Variants in ZFHX3 observed in about 807,000 individuals in gnomAD.
ZFHX3 encodes zinc finger homeobox protein 3.
Under a neutral mutation model 279.1 loss-of-function variants are expected in ZFHX3, and 42 were observed. That is an observed-to-expected ratio of 0.15 (90% CI 0.12 to 0.19). The LOEUF (loss-of-function observed/expected upper bound fraction) is 0.19. Among genes scored for constraint, ZFHX3 ranks in the 10% least tolerant of loss-of-function variants. The probability of loss-of-function intolerance (pLI) is 1.00; values close to 1 mark genes in which losing one functional copy is unlikely to be tolerated. For synonymous variants in ZFHX3, 2,293 were observed against 1,957.8 expected, an observed-to-expected ratio of 1.17 and a Z score of -4.52; for missense variants, 4,981 against 4,754.0, an observed-to-expected ratio of 1.05 and a Z score of -1.40.
intron 4 of ZFHX3, among the ~76,000 whole-genome samples, chr16:72,862,744 G>C (rs931301318): frequency 6.6e-6 from 1 of 152,158 alleles, no homozygotes; most frequent in African/African-American, 2.4e-5. Context: ...CAACAATGCT[G>C]TGGGGCTATA....
intron 4 of ZFHX3, among the ~76,000 whole-genome samples, chr16:73,313,958 T>G (rs1469442127): frequency 6.6e-6 from 1 of 152,052 alleles, no homozygotes; most frequent in Non-Finnish European, 1.5e-5. Context: ...AATTAGCTGG[T>G]CATGGTGGCA....
chr16:73,776,759 C>T (rs1265181974), intron 1 of ZFHX3, among the ~76,000 whole-genome samples: 4 of 152,172 alleles, frequency 2.6e-5, no homozygotes, highest in Non-Finnish European at 5.9e-5. Context: ...AAATCTCAGC[C>T]ATGATTGCAA....
At chr16:73,045,656 A>ATTG (rs1965267919) in intron 1 of ZFHX3, among the ~76,000 whole-genome samples, 1 of 136,242 alleles carries the variant, frequency 7.3e-6, no homozygotes, top group South Asian at 2.4e-4. Flanking sequence ...TATTATTATT[A>ATTG]TTATTATTAT....
chr16:73,817,511 C>T (rs185412826), intron 1 of ZFHX3, among the ~76,000 whole-genome samples: 2 of 152,260 alleles, frequency 1.3e-5, no homozygotes, highest in East Asian at 3.9e-4. Flanking sequence ...ACCCTAACGG[C>T]GAGTCTTAAA....
chr16:73,391,246 C>T (rs538369079), intron 3 of ZFHX3, among the ~76,000 whole-genome samples: 68 of 152,186 alleles, frequency 4.5e-4, no homozygotes, highest in African/African-American at 1.4e-3. Flanking sequence ...GAGGCCAAGG[C>T]ATGCAGATGA....
chr16:72,933,809 C>CTTTTTT lies in ZFHX3; in HGVS notation c.3216+16659_3216+16660insAAAAAA, dbSNP rs1408711216. ...TTATTATGAAATGTTTAGCTCACAA[C>CTTTTTT]TTTCTTTTTTTTTTTTTTTTTTTTT... On this transcript the variant is annotated intron_variant, in intron 3 of 9. Transcript: ENST00000268489. Among the ~76,000 whole-genome samples, 44 of 114,598 alleles carry CTTTTTT rather than the reference C, an allele frequency of 3.8e-4. 1 individual carries two copies. The highest frequency in any genetic ancestry group is 1.1e-3 in the African/African-American group (36 of 33,724). 75.2% of individuals were successfully genotyped at this position (114,598 alleles called of 152,430 possible).
chr16:73,106,181 C>T (rs770253182), intron 7 of ZFHX3, among the ~76,000 whole-genome samples: 23 of 152,106 alleles, frequency 1.5e-4, no homozygotes, highest in South Asian at 4.2e-4. Context: ...TCAATTAGAG[C>T]GCAAGATCTA....
At chr16:73,227,744 G>T (rs1475576134) in intron 5 of ZFHX3, among the ~76,000 whole-genome samples, 1 of 150,204 alleles carries the variant, frequency 6.7e-6, no homozygotes, top group South Asian at 2.1e-4. Context: ...AGCTACTCAG[G>T]AGGCTGAGGC....
rs2016980218 is a variant in ZFHX3 at position 73,390,027 on chromosome 16, T to TC, written c.-1291+65975dup. ...GTAAGCCGAGATTGCACCACTGCAC[T>TC]CCAGCCTGGGTGACAGAGCGAGACT... is the stretch of plus-strand genomic sequence containing the variant. On this transcript the variant is annotated intron_variant, in intron 3 of 17. Transcript: ENST00000641206. 7.9e-5 allele frequency among the ~76,000 whole-genome samples: 12 copies of TC among 152,146 alleles called. No individual in the cohort carries two copies. The South Asian group carries it at 2.1e-3, about 26-fold the overall frequency.
At chr16:72,809,579 AGC>A (rs1296723931) in intron 7 of ZFHX3, 2 of 152,232 alleles carry the variant, frequency 1.3e-5, no homozygotes, top group Non-Finnish European at 1.5e-5. Flanking sequence ...GTCACCTTTG[AGC>A]TTCCCATTGG....
chr16:73,888,461 G>T (rs1050435110), intron 1 of ZFHX3, among the ~76,000 whole-genome samples: 8 of 152,146 alleles, frequency 5.3e-5, no homozygotes, highest in African/African-American at 1.9e-4. Flanking sequence ...GATGGGTGTG[G>T]CAACACATTT....
At chr16:73,754,506 G>A (rs189947918) in intron 1 of ZFHX3, among the ~76,000 whole-genome samples, 19 of 151,644 alleles carry the variant, frequency 1.3e-4, no homozygotes, top group African/African-American at 1.7e-4. Context: ...GTTTTCCACC[G>A]TCCTTGGGCC....
intron 3 of ZFHX3, among the ~76,000 whole-genome samples, chr16:73,402,878 C>T (rs920130966): frequency 1.7e-4 from 26 of 150,944 alleles, no homozygotes; most frequent in South Asian, 4.2e-4. Context: ...TTGGGGGTGG[C>T]TGTCGTACAT....
chr16:72,826,866 C>A (rs983733911), intron 5 of ZFHX3, among the ~76,000 whole-genome samples: 1 of 152,172 alleles, frequency 6.6e-6, no homozygotes, highest in East Asian at 1.9e-4. Context: ...TTATGGTGCT[C>A]ATTTTACGTC....
intron 8 of ZFHX3, among the ~76,000 whole-genome samples, chr16:73,079,247 G>A (rs72795157): frequency 0.027 from 4,105 of 151,700 alleles, 66 homozygotes; most frequent in Middle Eastern, 0.1. Context: ...TTTTAAGGCC[G>A]GGCATAGTGG....
chr16:73,286,862 TTGTGTGGGTGTGTGGGTTGGTGTGTGGC>T (rs1234461391), intron 4 of ZFHX3, among the ~76,000 whole-genome samples: 5 of 91,662 alleles, frequency 5.5e-5, no homozygotes, highest in Non-Finnish European at 6.8e-5. Flanking sequence ...GGGTGTGTGG[TTGTGTGGGTGTGTGGGTTGGTGTGTGGC>T]TGTGTAGGTG....
intron 5 of ZFHX3, among the ~76,000 whole-genome samples, chr16:73,181,671 C>T (rs765311516): frequency 7.2e-5 from 11 of 152,132 alleles, no homozygotes; most frequent in South Asian, 2.1e-4. Flanking sequence ...ACTGAGCAAA[C>T]GTGTTCTGGG....
At chr16:73,480,675 C>G (rs756221341) in intron 2 of ZFHX3, among the ~76,000 whole-genome samples, 1 of 152,152 alleles carries the variant, frequency 6.6e-6, no homozygotes, top group Non-Finnish European at 1.5e-5. Context: ...GCCACTCTGG[C>G]TGGAGTGAAG....
chr16:73,304,160 T>C (rs1264214757), intron 4 of ZFHX3, among the ~76,000 whole-genome samples: 2 of 152,078 alleles, frequency 1.3e-5, no homozygotes, highest in African/African-American at 4.8e-5. Flanking sequence ...TCATTTCTGG[T>C]CTGTGTCCAG....
Sources: allele counts gnomAD v4.1 joint callset (sites outside exome capture counted in the v4.1 genomes callset), GRCh38; gene constraint gnomAD v4.1.1; transcripts MANE v1.5; gene names NCBI Gene and HGNC (gene_info 2026-07-23, HGNC 2026-07-21).